ARID5B: variants seen among roughly 807,000 people sequenced by gnomAD.
ARID5B encodes the protein AT-rich interaction domain 5B.
A neutral mutation model predicts 97.2 loss-of-function variants in ARID5B; 13 were observed. That is an observed-to-expected ratio of 0.13 (90% CI 0.09 to 0.21). ARID5B has a LOEUF of 0.21. ARID5B is among the 10% of genes least tolerant of loss of function. The pLI is 1.00. For missense variants in ARID5B, 1,210 were observed against 1,465.3 expected (o/e 0.83, Z 2.84); for synonymous variants, 556 against 570.3 (o/e 0.97, Z 0.36).
chr10:61,917,881 G>T (rs1843938484), intron 2 of ARID5B, among the ~76,000 whole-genome samples: 1 of 152,156 alleles, frequency 6.6e-6, no homozygotes, highest in South Asian at 2.1e-4. Flanking sequence ...GAGGAGGGAG[G>T]CAGGGACCAG....
intron 3 of ARID5B, among the ~76,000 whole-genome samples, chr10:61,956,111 C>A (rs1838387893): frequency 6.6e-6 from 1 of 152,184 alleles, no homozygotes; most frequent in Admixed American, 6.5e-5. Flanking sequence ...GGTCCCCAAT[C>A]CCCGGGCTGT....
chr10:61,910,836 T>C (rs1208952214), intron 2 of ARID5B, among the ~76,000 whole-genome samples: 1 of 152,212 alleles, frequency 6.6e-6, no homozygotes, highest in Non-Finnish European at 1.5e-5. Flanking sequence ...GATGGGTGGT[T>C]TAATTACGCG....
intron 8 of ARID5B, among the ~76,000 whole-genome samples, chr10:62,078,107 G>T (rs1840162138): frequency 6.6e-6 from 1 of 152,212 alleles, no homozygotes; most frequent in Non-Finnish European, 1.5e-5. Context: ...GATCTAACAT[G>T]CATGGGGCTT....
intron 7 of ARID5B, among the ~76,000 whole-genome samples, chr10:62,062,744 CTCTCAAATTATTTTT>C (rs1839937279): frequency 7.3e-6 from 1 of 137,454 alleles, no homozygotes; most frequent in Admixed American, 7.7e-5. Context: ...AACTGTAGTA[CTCTCAAATTATTTTT>C]TCTCAAATTG....
At chr10:61,904,638 C>T (rs12412757) in intron 2 of ARID5B, among the ~76,000 whole-genome samples, 11,344 of 152,164 alleles carry the variant, frequency 0.075, 550 homozygotes, top group East Asian at 0.13. Context: ...GCATATACAT[C>T]GTCTAATATT....
At chr10:62,089,233 G>C (rs1840333720) in intron 9 of ARID5B, among the ~76,000 whole-genome samples, 1 of 151,904 alleles carries the variant, frequency 6.6e-6, no homozygotes, top group East Asian at 1.9e-4. Context: ...TATTTGTACT[G>C]GAAAAGGCAG....
intron 2 of ARID5B, among the ~76,000 whole-genome samples, chr10:61,939,470 C>T (rs1353517079): frequency 1.3e-5 from 2 of 152,144 alleles, no homozygotes; most frequent in African/African-American, 4.8e-5. Context: ...ATTTCAACTA[C>T]TTTTCTTAAA....
intron 2 of ARID5B, among the ~76,000 whole-genome samples, chr10:61,914,533 AG>A (rs1476589319): frequency 6.6e-6 from 1 of 152,216 alleles, no homozygotes; most frequent in African/African-American, 2.4e-5. Context: ...CATACATTGT[AG>A]TCTTAAAACC....
intron 2 of ARID5B, among the ~76,000 whole-genome samples, chr10:61,918,289 A>G (rs947575243): frequency 4.6e-5 from 7 of 152,352 alleles, no homozygotes; most frequent in African/African-American, 2.4e-5. Context: ...GCTGTGTGTC[A>G]TCTTGACCAA....
At chr10:62,065,965 G>T (rs576291740) in intron 7 of ARID5B, among the ~76,000 whole-genome samples, 1 of 152,200 alleles carries the variant, frequency 6.6e-6, no homozygotes, top group East Asian at 1.9e-4. Context: ...GAGGCTTAGT[G>T]AGAGAGTTGA....
Position 62,069,726 on chromosome 10 carries a change from T to C in ARID5B, c.1128T>C (p.His376=). The C allele has an allele frequency of 6.2e-7, 1 of 1,614,162 alleles. No homozygotes were observed. The highest frequency in any genetic ancestry group is 1.1e-5 in the South Asian group (1 of 91,086). Residue 376 remains histidine, a synonymous_variant, in exon 8 of 10, where the codon CAT becomes CAC. Transcript: ENST00000279873. ...ETITARRQWK[H]IYDELGGNPG... is the part of the protein sequence containing the mutation. The stretch of plus-strand genomic sequence containing the variant: ...TAACAGCCCGCCGTCAGTGGAAACA[T>C]ATTTATGATGAATTAGGCGGTAATC...
At chr10:62,065,448 T>A (rs1564641324) in intron 7 of ARID5B, among the ~76,000 whole-genome samples, 1 of 152,110 alleles carries the variant, frequency 6.6e-6, no homozygotes, top group Non-Finnish European at 1.5e-5. Flanking sequence ...TGGTAAGCAT[T>A]GGTGGATGGT....
intron 7 of ARID5B, among the ~76,000 whole-genome samples, chr10:62,067,828 A>G (rs914242447): frequency 2.0e-5 from 3 of 152,210 alleles, no homozygotes; most frequent in East Asian, 1.9e-4. Context: ...CTCACAGGCT[A>G]TGGGAGGATT....
intron 4 of ARID5B, 42 bp from the exon 5 acceptor site, chr10:62,050,846 G>A (rs1392533400): frequency 6.5e-7 from 1 of 1,527,662 alleles, no homozygotes; most frequent in East Asian, 2.3e-5. Context: ...AGAAACCCAT[G>A]CAAGTGAAAA....
chr10:61,977,531 CT>C (rs894369409), intron 3 of ARID5B, among the ~76,000 whole-genome samples: 26 of 152,178 alleles, frequency 1.7e-4, no homozygotes, highest in African/African-American at 6.3e-4. Context: ...TGTTTCCTGA[CT>C]TTTTAATGAT....
intron 4 of ARID5B, among the ~76,000 whole-genome samples, chr10:62,049,669 A>G (rs529657617): frequency 6.6e-6 from 1 of 152,288 alleles, no homozygotes; most frequent in South Asian, 2.1e-4. Context: ...CTGATTTTAA[A>G]GGCAGTTCTG....
chr10:62,085,409 T>G (rs1170649517), intron 8 of ARID5B, among the ~76,000 whole-genome samples: 3 of 152,144 alleles, frequency 2.0e-5, no homozygotes, highest in African/African-American at 7.2e-5. Flanking sequence ...CCAGGTGCCA[T>G]GGGGAGTGAT....
chr10:61,966,111 C>A lies in ARID5B; in HGVS notation c.502+25703C>A, dbSNP rs1044861968. Among the ~76,000 whole-genome samples, 6 of 152,150 alleles carry A rather than the reference C, an allele frequency of 3.9e-5. No individual in the cohort carries two copies. The South Asian group carries it at 8.3e-4, about 21-fold the overall frequency. On this transcript the variant is annotated intron_variant, in intron 3 of 9. Coordinates refer to ENST00000279873, the MANE Select transcript of ARID5B (RefSeq NM_032199.3). ...CATAGTCCCACTATGCAGAGGCTTA[C>A]CACTGTTAATGGTTTAATTCCAATT...
chr10:61,998,270 G>T (rs1385358806), intron 3 of ARID5B, among the ~76,000 whole-genome samples: 5 of 152,118 alleles, frequency 3.3e-5, no homozygotes, highest in African/African-American at 1.2e-4. Context: ...TTGCTCATTC[G>T]TCTCCCACTG....
Sources: allele counts gnomAD v4.1 joint callset (sites outside exome capture counted in the v4.1 genomes callset), GRCh38; gene constraint gnomAD v4.1.1; transcripts MANE v1.5; gene names NCBI Gene and HGNC (gene_info 2026-07-23, HGNC 2026-07-21).